Variants in DSCAM observed in about 807,000 individuals in gnomAD.
DSCAM encodes the protein cell adhesion molecule DSCAM.
DSCAM carries 47 observed loss-of-function variants against 217.7 expected under a neutral mutation model. The observed-to-expected ratio is 0.22, with a 90% CI of 0.17 to 0.28. The LOEUF (loss-of-function observed/expected upper bound fraction) is 0.28, where lower values mean the gene tolerates loss of function less well. DSCAM is among the 10% of genes least tolerant of loss of function. The pLI, the probability that DSCAM is intolerant of heterozygous loss-of-function variation, is 1.00. For synonymous variants in DSCAM, 1,056 were observed against 1,015.3 expected (o/e 1.04, Z -0.76); for missense variants, 2,080 against 2,618.3 (o/e 0.79, Z 4.49).
intron 5 of DSCAM, among the ~76,000 whole-genome samples, chr21:40,349,167 T>C (rs1476426206): frequency 1.3e-5 from 1 of 78,922 alleles, no homozygotes; most frequent in Non-Finnish European, 2.9e-5. Flanking sequence ...AAATGCAACA[T>C]GCTGGCTACC....
intron 3 of DSCAM, among the ~76,000 whole-genome samples, chr21:40,594,151 A>G (rs555218236): frequency 1.7e-4 from 26 of 152,260 alleles, no homozygotes; most frequent in African/African-American, 5.3e-4. Context: ...AGATGCCCCT[A>G]CCTCAAAACT....
chr21:40,062,263 C>T (rs540599145), intron 28 of DSCAM, among the ~76,000 whole-genome samples: 4 of 152,310 alleles, frequency 2.6e-5, no homozygotes, highest in Non-Finnish European at 4.4e-5. Flanking sequence ...TGAACATTCT[C>T]GTACTCATTC....
chr21:40,628,624 GAA>G (rs1490374749), intron 3 of DSCAM, among the ~76,000 whole-genome samples: 1 of 152,158 alleles, frequency 6.6e-6, no homozygotes, highest in African/African-American at 2.4e-5. Context: ...TTACTCTACA[GAA>G]AAAGTTTGTT....
intron 22 of DSCAM, among the ~76,000 whole-genome samples, chr21:40,086,001 G>C (rs2089527741): frequency 6.6e-6 from 1 of 152,226 alleles, no homozygotes; most frequent in South Asian, 2.1e-4. Context: ...CAAGGGCCCA[G>C]ATTCTGGCTC....
intron 32 of DSCAM, among the ~76,000 whole-genome samples, chr21:40,030,612 A>T (rs2088502939): frequency 6.6e-6 from 1 of 152,090 alleles, no homozygotes; most frequent in Admixed American, 6.6e-5. Context: ...ACTCCCATAG[A>T]ATTTTAGGTT....
At chr21:40,704,654 T>G (rs1217085117) in intron 2 of DSCAM, among the ~76,000 whole-genome samples, 1 of 152,092 alleles carries the variant, frequency 6.6e-6, no homozygotes, top group Non-Finnish European at 1.5e-5. Context: ...AAGTTGAGGC[T>G]GCAGTGAGCC....
intron 8 of DSCAM, among the ~76,000 whole-genome samples, chr21:40,331,484 C>G (rs1400872838): frequency 1.3e-5 from 2 of 152,186 alleles, no homozygotes; most frequent in Non-Finnish European, 2.9e-5. Flanking sequence ...AACAGCAATA[C>G]AGCAAGACAT....
Position 40,087,270 on chromosome 21 carries a change from T to C in DSCAM, c.3868A>G (p.Thr1290Ala), listed in dbSNP as rs2089545556. 2 of 1,613,894 alleles carry C rather than the reference T, an allele frequency of 1.2e-6. No homozygotes were observed. Among genetic ancestry groups the C allele is most frequent in the South Asian group, 2.2e-5 (2 of 91,080 alleles). ...PLAKAPARIL[T>A]FSGTVTTPWM... ...GGAGTAGTCACTGTCCCACTGAAGG[T>C]CAGGATTCGTGCAGGAGCTGAGGAA... is the stretch of plus-strand genomic sequence containing the variant. The change falls in exon 22 of 33, where the codon ACC becomes GCC. Residue 1290 changes from threonine to alanine, a missense_variant. Transcript: ENST00000400454.
intron 9 of DSCAM, among the ~76,000 whole-genome samples, chr21:40,298,570 A>G (rs2837557): frequency 0.17 from 26,119 of 152,138 alleles, 4,042 homozygotes; most frequent in African/African-American, 0.4. Flanking sequence ...ACTATCTCTG[A>G]GTGAGGAAAT....
intron 11 of DSCAM, among the ~76,000 whole-genome samples, chr21:40,200,021 T>TC (rs1324106494): frequency 3.0e-3 from 453 of 151,672 alleles, no homozygotes; most frequent in Non-Finnish European, 5.5e-3. Context: ...GGATTCTTTT[T>TC]TTTTTTTTTT....
At chr21:40,035,578 A>T (rs1232433335) in intron 32 of DSCAM, among the ~76,000 whole-genome samples, 1 of 138,178 alleles carries the variant, frequency 7.2e-6, no homozygotes, top group East Asian at 2.1e-4. Flanking sequence ...AGACTTTAAC[A>T]CCCCACTGTC....
intron 3 of DSCAM, among the ~76,000 whole-genome samples, chr21:40,508,734 A>AATATATATATATATATATATAT (rs760072956): frequency 2.2e-5 from 1 of 45,838 alleles, no homozygotes; most frequent in African/African-American, 8.3e-5. Flanking sequence ...ACACCCGGCA[A>AATATATATATATATATATATAT]ATATATATAT....
intron 3 of DSCAM, among the ~76,000 whole-genome samples, chr21:40,592,535 C>A (rs1380940956): frequency 6.6e-6 from 1 of 152,208 alleles, no homozygotes; most frequent in African/African-American, 2.4e-5. Context: ...CTGACCACTT[C>A]CTTAACTGTC....
At chr21:40,593,911 G>A (rs1027283725) in intron 3 of DSCAM, among the ~76,000 whole-genome samples, 3 of 152,152 alleles carry the variant, frequency 2.0e-5, no homozygotes, top group African/African-American at 7.2e-5. Flanking sequence ...TAAATCTCAT[G>A]TTCCAAAATA....
chr21:40,544,967 ATTG>A (rs1318846037), intron 3 of DSCAM, among the ~76,000 whole-genome samples: 2 of 151,980 alleles, frequency 1.3e-5, no homozygotes, highest in Admixed American at 1.3e-4. Flanking sequence ...TTAGGAACCT[ATTG>A]TTTATGTTTC....
intron 1 of DSCAM, among the ~76,000 whole-genome samples, chr21:40,840,541 A>T (rs1366035910): frequency 6.6e-6 from 1 of 152,202 alleles, no homozygotes; most frequent in Non-Finnish European, 1.5e-5. Flanking sequence ...TGTCTGTGAC[A>T]CTTGACCCAC....
At chr21:40,282,041 T>C (rs2073767433) in intron 10 of DSCAM, among the ~76,000 whole-genome samples, 3 of 152,222 alleles carry the variant, frequency 2.0e-5, no homozygotes, top group African/African-American at 7.2e-5. Flanking sequence ...AATTTGGCTT[T>C]TATAAATTAT....
chr21:40,270,322 G>A (rs1302524893), intron 11 of DSCAM, among the ~76,000 whole-genome samples: 1 of 152,210 alleles, frequency 6.6e-6, no homozygotes, highest in East Asian at 1.9e-4. Context: ...GCTTCTGCGG[G>A]AGACTCCTTC....
intron 9 of DSCAM, among the ~76,000 whole-genome samples, chr21:40,298,990 C>T (rs376604037): frequency 1.3e-5 from 2 of 152,020 alleles, no homozygotes; most frequent in African/African-American, 4.8e-5. Flanking sequence ...ATAATTACCC[C>T]GTATCATTGA....
Sources: gnomAD v4.1 joint callset for allele counts (sites outside exome capture counted in the v4.1 genomes callset) on GRCh38, gnomAD v4.1.1 for gene constraint, MANE v1.5 for transcripts, NCBI Gene and HGNC (gene_info 2026-07-23, HGNC 2026-07-21) for gene names.